CCDC85C: variants seen among roughly 807,000 people sequenced by gnomAD.
The protein encoded by CCDC85C is coiled-coil domain containing 85C, also known as coiled-coil domain-containing protein 85C.
Under a neutral mutation model 38.3 loss-of-function variants are expected in CCDC85C, and 18 were observed. The observed-to-expected ratio is 0.47, with a 90% confidence interval of 0.33 to 0.70. The LOEUF is 0.70. Among genes scored for constraint, CCDC85C ranks in the 30% least tolerant of loss-of-function variants. The probability of loss-of-function intolerance (pLI) is 0.03; values close to 1 mark genes in which losing one functional copy is unlikely to be tolerated. For synonymous variants in CCDC85C, 264 were observed against 293.8 expected (o/e 0.90, Z 1.04); for missense variants, 566 against 621.2 (o/e 0.91, Z 0.94).
intron 5 of CCDC85C, among the ~76,000 whole-genome samples, chr14:99,515,785 T>A (rs1897214290): frequency 6.6e-6 from 1 of 152,098 alleles, no homozygotes; most frequent in Non-Finnish European, 1.5e-5. Flanking sequence ...GGGTTCCACC[T>A]GGACCTCCTG....
Position 99,569,785 on chromosome 14 carries a change from C to T in CCDC85C, c.793+33382G>A, listed in dbSNP as rs183455976. 1.4e-4 allele frequency among the ~76,000 whole-genome samples: 21 copies of T among 152,276 alleles called. No homozygotes were observed. Among genetic ancestry groups the T allele is most frequent in the Non-Finnish European group, 1.3e-4 (9 of 68,020 alleles). ...GGCGACGCAGGGAGGGATCTAGACC[C>T]AGGCAGGACTGATTTGGAACATCTG... On this transcript the variant is annotated intron_variant, in intron 1 of 5. Transcript: ENST00000380243. The surrounding 1 kb of genome is among the most constrained non-coding windows in gnomAD (Gnocchi z 4.3).
At position 99,511,105 on chromosome 14, in the gene CCDC85C, G is replaced by T; in HGVS notation, c.*4141C>A. The T allele has an allele frequency of 4.9e-6, 1 of 204,440 alleles. No individual in the cohort carries two copies. Among genetic ancestry groups the T allele is most frequent in the South Asian group, 1.9e-4 (1 of 5,262 alleles). The allele number at this position is 204,440 out of a possible 1,614,324, so 12.7% of individuals were successfully genotyped here. On this transcript the variant is annotated 3_prime_UTR_variant, in exon 6 of 6. Transcript: ENST00000380243. ...CATATTGGCTCAATAAATAGCTTCG[G>T]TAAGGAGTTAATTTCCTTCTAGAAA...
At chr14:99,540,780 C>T in intron 1 of CCDC85C, among the ~76,000 whole-genome samples, 1 of 152,206 alleles carries the variant, frequency 6.6e-6, no homozygotes, top group Non-Finnish European at 1.5e-5. Context: ...ACCCCGCCCT[C>T]TTCATGGATC....
rs144469014 is a variant in CCDC85C, at chr14:99,572,379, C to T, written c.793+30788G>A. On this transcript the variant is annotated intron_variant, in intron 1 of 5. Coordinates refer to ENST00000380243, the MANE Select transcript of CCDC85C (RefSeq NM_001144995.2). This position sits in a 1 kb window ranked among gnomAD's most constrained non-coding sequence, Gnocchi z 4.4. ...TCCTCACGGGACACTGCGGGCGCTGCGGGCTAGTGTCTCAGCCTGCAATCC... is the reference window on the plus strand; with the variant it reads ...TCCTCACGGGACACTGCGGGCGCTGTGGGCTAGTGTCTCAGCCTGCAATCC... Among the ~76,000 whole-genome samples, 64 of 152,330 alleles carry T rather than the reference C, an allele frequency of 4.2e-4. No individual in the cohort carries two copies. The East Asian group carries it at 5.6e-3, about 13-fold the overall frequency.
intron 3 of CCDC85C, among the ~76,000 whole-genome samples, chr14:99,518,222 G>C (rs530074647): frequency 6.4e-4 from 98 of 152,226 alleles, no homozygotes; most frequent in African/African-American, 2.1e-3. Flanking sequence ...CCCCCTGCAG[G>C]CCTGGCAGCC....
intron 1 of CCDC85C, among the ~76,000 whole-genome samples, chr14:99,575,834 G>A (rs1898463432): frequency 6.6e-6 from 1 of 152,208 alleles, no homozygotes; most frequent in South Asian, 2.1e-4. Flanking sequence ...CACCCAGGCT[G>A]GAAGCTGGTG....
intron 2 of CCDC85C, among the ~76,000 whole-genome samples, chr14:99,531,447 A>G (rs1292899606): frequency 6.6e-6 from 1 of 152,212 alleles, no homozygotes; most frequent in African/African-American, 2.4e-5. Flanking sequence ...ATCATCGTGG[A>G]GGAAGCAGCT....
intron 1 of CCDC85C, among the ~76,000 whole-genome samples, chr14:99,583,664 C>T (rs565030157): frequency 5.9e-5 from 9 of 151,670 alleles, no homozygotes; most frequent in Admixed American, 1.3e-4. Flanking sequence ...AAACATTAGC[C>T]GGGCATGGTG....
chr14:99,556,411 C>G (rs747485097), intron 1 of CCDC85C, among the ~76,000 whole-genome samples: 1 of 152,214 alleles, frequency 6.6e-6, no homozygotes, highest in African/African-American at 2.4e-5. Context: ...GAGACCCTGT[C>G]TCTTAAAAAA....
intron 5 of CCDC85C, among the ~76,000 whole-genome samples, chr14:99,515,907 T>C (rs1415466254): frequency 7.0e-6 from 1 of 142,692 alleles, no homozygotes; most frequent in Non-Finnish European, 1.5e-5. Flanking sequence ...CCCGGGGGGG[T>C]GGGGGGCTCA....
rs1396951698 is a variant in CCDC85C at position 99,505,125 on chromosome 14, G to A, written c.*10121C>T. The A allele has an allele frequency of 6.6e-6, 1 of 152,312 alleles. No homozygotes were observed. Among genetic ancestry groups the A allele is most frequent in the African/African-American group, 2.4e-5 (1 of 41,446 alleles). The allele number at this position is 152,312 out of a possible 1,614,324, so 9.4% of individuals were successfully genotyped here. ...TTTGGCAGAGGCAAGGGAAGCCATT[G>A]GAGATTTAGCAGGGGAATGGCAGAG... On this transcript the variant is annotated 3_prime_UTR_variant, in exon 6 of 6. Transcript: ENST00000380243.
chr14:99,591,757 TG>T (rs1469657524), intron 1 of CCDC85C, among the ~76,000 whole-genome samples: 1 of 137,276 alleles, frequency 7.3e-6, no homozygotes, highest in Non-Finnish European at 1.5e-5. Context: ...TTTTTGGAAA[TG>T]GAGTCTCACT....
At chr14:99,589,610 G>T (rs552752148) in intron 1 of CCDC85C, among the ~76,000 whole-genome samples, 1 of 152,318 alleles carries the variant, frequency 6.6e-6, no homozygotes, top group African/African-American at 2.4e-5. Context: ...AAAAATGCAG[G>T]ACTGCACAGT....
In CCDC85C at chr14:99,510,675, C is replaced by T; in HGVS notation, c.*4571G>A. On this transcript the variant is annotated 3_prime_UTR_variant, in exon 6 of 6. Transcript: ENST00000380243. The stretch of plus-strand genomic sequence containing the variant: ...GTTGGGCCTGCCGCCAGCCAGCTAC[C>T]CACCTCCTGCCGTCCCCCCTGGAGG... The T allele has an allele frequency of 7.0e-7, 1 of 1,420,670 alleles. No individual in the cohort carries two copies. The highest frequency in any genetic ancestry group is 2.1e-4 in the Middle Eastern group (1 of 4,678). The allele number at this position is 1,420,670 out of a possible 1,614,324, so 88.0% of individuals were successfully genotyped here.
In CCDC85C at chr14:99,500,834, A is replaced by G; in HGVS notation, c.*14412T>C. 6.4e-7 allele frequency: 1 copy of G among 1,561,716 alleles called. No homozygotes were observed. The highest frequency in any genetic ancestry group is 8.7e-7 in the Non-Finnish European group (1 of 1,151,768). ...AGTTTGATTTACAGGTAGAACATCC[A>G]TACCAGTTCCTACTAAAATATGCAA... On this transcript the variant is annotated 3_prime_UTR_variant, in exon 6 of 6. Transcript: ENST00000380243.
intron 5 of CCDC85C, among the ~76,000 whole-genome samples, chr14:99,515,829 G>A (rs8014167): frequency 0.043 from 6,547 of 152,078 alleles, 490 homozygotes; most frequent in African/African-American, 0.15. Context: ...AGCAGCCACA[G>A]GGGGCACCAG....
chr14:99,601,871 C>A (rs552681741), intron 1 of CCDC85C, among the ~76,000 whole-genome samples: 2 of 152,228 alleles, frequency 1.3e-5, no homozygotes, highest in East Asian at 3.9e-4. Context: ...AAAGGAAAAA[C>A]ATGCTGCACT....
chr14:99,578,909 C>T (rs568496990), intron 1 of CCDC85C, among the ~76,000 whole-genome samples: 95 of 150,250 alleles, frequency 6.3e-4, no homozygotes, highest in African/African-American at 2.2e-3. Context: ...TGGTCCGTGT[C>T]ACCCTGCTGG....
intron 1 of CCDC85C, among the ~76,000 whole-genome samples, chr14:99,537,789 C>A (rs1897632600): frequency 6.6e-6 from 1 of 152,194 alleles, no homozygotes; most frequent in African/African-American, 2.4e-5. Flanking sequence ...ACTCTATCAA[C>A]CCCGACAAAC....
Sources: gnomAD v4.1 joint callset for allele counts (sites outside exome capture counted in the v4.1 genomes callset) on GRCh38, gnomAD v4.1.1 for gene constraint, Gnocchi (gnomAD v3.1) non-coding constraint, MANE v1.5 for transcripts, NCBI Gene and HGNC (gene_info 2026-07-23, HGNC 2026-07-21) for gene names.